Variants in GFRAL observed in about 807,000 individuals in gnomAD.
GFRAL encodes GDNF family receptor alpha-like.
In GFRAL, 36 loss-of-function variants were observed where a neutral mutation model predicts 45.4. The observed-to-expected ratio is 0.79, with a 90% CI of 0.61 to 1.05. The LOEUF is 1.05. Among genes scored for constraint, GFRAL ranks in the 50% least tolerant of loss-of-function variants. The pLI is 0.00. For synonymous variants in GFRAL, 166 were observed against 154.1 expected, an observed-to-expected ratio of 1.08 and a Z score of -0.57; for missense variants, 507 against 467.5, an observed-to-expected ratio of 1.08 and a Z score of -0.78.
At chr6:55,394,227 T>C (rs936854065) in intron 6 of GFRAL, among the ~76,000 whole-genome samples, 4 of 152,150 alleles carry the variant, frequency 2.6e-5, no homozygotes, top group African/African-American at 9.7e-5. Context: ...GAGATGGTTA[T>C]AAGATATGCA....
At chr6:55,339,957 T>C (rs918424128) in intron 3 of GFRAL, among the ~76,000 whole-genome samples, 1 of 152,186 alleles carries the variant, frequency 6.6e-6, no homozygotes, top group African/African-American at 2.4e-5. Context: ...AATGCTGTTA[T>C]GTGGAAATAT....
At chr6:55,333,484 T>A (rs1237286335) in intron 2 of GFRAL, among the ~76,000 whole-genome samples, 2 of 152,264 alleles carry the variant, frequency 1.3e-5, no homozygotes, top group African/African-American at 4.8e-5. Flanking sequence ...TAGAGAGCAT[T>A]CTGGTCACCT....
chr6:55,385,214 C>T (rs1674288953), intron 6 of GFRAL, among the ~76,000 whole-genome samples: 1 of 152,070 alleles, frequency 6.6e-6, no homozygotes, highest in Non-Finnish European at 1.5e-5. Context: ...ATTTGACCAG[C>T]TGTAAAGAAT....
At chr6:55,358,830 A>G (rs1378980984) in intron 5 of GFRAL, 58 bp from the exon 6 acceptor site, 1 of 1,519,846 alleles carries the variant, frequency 6.6e-7, no homozygotes, top group Non-Finnish European at 9.0e-7. Flanking sequence ...GGGGGATCAC[A>G]TGTTAATGTG....
rs946200271 is a variant in GFRAL at position 55,351,434 on chromosome 6, G to C, written c.552G>C (p.Gln184His). 2 of 1,613,636 alleles carry C rather than the reference G, an allele frequency of 1.2e-6. No homozygotes were observed. Among genetic ancestry groups the C allele is most frequent in the East Asian group, 2.2e-5 (1 of 44,836 alleles). ...AAAATATACCTTTTAACATTGCCCA[G>C]ATGTTGGCTTTTTGTGACTGTGCTC... is the stretch of plus-strand genomic sequence containing the variant. ...FYQNIPFNIA[Q>H]MLAFCDCAQS... Residue 184 changes from glutamine to histidine, a missense_variant, in exon 5 of 9, where the codon CAG (glutamine) becomes CAC (histidine). Coordinates refer to ENST00000340465, the MANE Select transcript of GFRAL (RefSeq NM_207410.2).
intron 3 of GFRAL, among the ~76,000 whole-genome samples, chr6:55,334,185 T>A (rs1436195876): frequency 6.6e-6 from 1 of 152,160 alleles, no homozygotes. Context: ...CCTCAGTAAG[T>A]GCACGACATA....
At chr6:55,375,000 G>C (rs1218539011) in intron 6 of GFRAL, among the ~76,000 whole-genome samples, 1 of 152,064 alleles carries the variant, frequency 6.6e-6, no homozygotes, top group South Asian at 2.1e-4. Context: ...TCTTATACCA[G>C]TATCATACTG....
chr6:55,344,298 T>C (rs1469412214), intron 3 of GFRAL, among the ~76,000 whole-genome samples: 1 of 152,144 alleles, frequency 6.6e-6, no homozygotes, highest in African/African-American at 2.4e-5. Context: ...AATAAAATAC[T>C]GGCAAACCGA....
At chr6:55,368,722 C>T (rs1274921830) in intron 6 of GFRAL, among the ~76,000 whole-genome samples, 3 of 152,152 alleles carry the variant, frequency 2.0e-5, no homozygotes, top group Non-Finnish European at 4.4e-5. Context: ...CAGTCTGCCC[C>T]TGCTGGGGGG....
intron 3 of GFRAL, among the ~76,000 whole-genome samples, chr6:55,339,515 G>T (rs1562048863): frequency 6.6e-6 from 1 of 152,050 alleles, no homozygotes; most frequent in Non-Finnish European, 1.5e-5. Context: ...ACAAAGGGAG[G>T]AGAAAGATAT....
At chr6:55,348,303 T>C (rs1200012230) in intron 3 of GFRAL, among the ~76,000 whole-genome samples, 4 of 152,058 alleles carry the variant, frequency 2.6e-5, no homozygotes, top group African/African-American at 4.8e-5. Context: ...AATGTTAATT[T>C]CATACAAAAT....
At chr6:55,392,808 C>T (rs1271852472) in intron 6 of GFRAL, among the ~76,000 whole-genome samples, 2 of 151,994 alleles carry the variant, frequency 1.3e-5, no homozygotes, top group South Asian at 4.2e-4. Flanking sequence ...AAATAATTTG[C>T]ACAACAAACT....
At chr6:55,330,234 A>G (rs941587801) in intron 1 of GFRAL, among the ~76,000 whole-genome samples, 2 of 152,158 alleles carry the variant, frequency 1.3e-5, no homozygotes, top group Non-Finnish European at 2.9e-5. Flanking sequence ...TATATATCTT[A>G]TATATAAACA....
intron 3 of GFRAL, among the ~76,000 whole-genome samples, chr6:55,347,194 G>A (rs762087714): frequency 2.0e-5 from 3 of 152,086 alleles, no homozygotes; most frequent in Admixed American, 6.6e-5. Context: ...CTAAGATTGG[G>A]AGTGAATAAA....
At chr6:55,344,728 T>C (rs186605684) in intron 3 of GFRAL, among the ~76,000 whole-genome samples, 2 of 152,258 alleles carry the variant, frequency 1.3e-5, no homozygotes, top group Non-Finnish European at 2.9e-5. Flanking sequence ...GGGTATTCAA[T>C]TAGGAAAAGA....
intron 6 of GFRAL, among the ~76,000 whole-genome samples, chr6:55,369,890 G>T (rs1768427763): frequency 6.6e-6 from 1 of 152,068 alleles, no homozygotes; most frequent in Non-Finnish European, 1.5e-5. Flanking sequence ...TTTGTTGCCT[G>T]TGTCAGCTGT....
At chr6:55,334,120 C>A (rs912210160) in intron 3 of GFRAL, among the ~76,000 whole-genome samples, 176 bp downstream of exon 3, 1 of 151,924 alleles carries the variant, frequency 6.6e-6, no homozygotes, top group African/African-American at 2.4e-5. Flanking sequence ...TTGAGGGGTA[C>A]ATGAGGTGTT....
intron 6 of GFRAL, among the ~76,000 whole-genome samples, chr6:55,383,247 G>A (rs1265036654): frequency 2.0e-5 from 3 of 150,032 alleles, no homozygotes; most frequent in Non-Finnish European, 1.5e-5. Context: ...ATTTTAAATA[G>A]CAATTACCTC....
chr6:55,369,022 C>A (rs537063250), intron 6 of GFRAL, among the ~76,000 whole-genome samples: 2 of 151,826 alleles, frequency 1.3e-5, no homozygotes, highest in African/African-American at 2.4e-5. Flanking sequence ...TGGGCAATGG[C>A]GGGCGCCCCT....
Sources: gnomAD v4.1 joint callset for allele counts (sites outside exome capture counted in the v4.1 genomes callset) on GRCh38, gnomAD v4.1.1 for gene constraint, MANE v1.5 for transcripts, NCBI Gene and HGNC (gene_info 2026-07-23, HGNC 2026-07-21) for gene names.